The following PDE4D variants were observed in gnomAD, a reference collection of about 807,000 sequenced individuals.
The protein encoded by PDE4D is 3',5'-cyclic-AMP phosphodiesterase 4D.
A neutral mutation model predicts 87.4 loss-of-function variants in PDE4D; 24 were observed. That is an observed-to-expected ratio of 0.27 (90% CI 0.20 to 0.39). The LOEUF is 0.39. Ranked by LOEUF, PDE4D falls within the 10% of genes least tolerant of loss-of-function variation. The pLI is 1.00. For missense variants in PDE4D, 714 were observed against 1,041.0 expected (o/e 0.69, Z 4.32); for synonymous variants, 384 against 383.2 (o/e 1.00, Z -0.02).
intron 1 of PDE4D, among the ~76,000 whole-genome samples, chr5:59,817,702 A>G (rs1241060166): frequency 6.6e-6 from 1 of 151,814 alleles, no homozygotes; most frequent in African/African-American, 2.4e-5. Context: ...CTTTCTCCCT[A>G]CACAGGCATG....
chr5:59,928,857 CTATATATTCTATATACA>C (rs955490690), intron 3 of PDE4D, among the ~76,000 whole-genome samples: 6 of 149,578 alleles, frequency 4.0e-5, no homozygotes, highest in South Asian at 4.2e-4. Context: ...TTAGAAATTT[CTATATATTCTATATACA>C]TATATATTCT....
intron 1 of PDE4D, among the ~76,000 whole-genome samples, chr5:60,460,959 C>G (rs1159464925): frequency 6.6e-6 from 1 of 151,844 alleles, no homozygotes; most frequent in Non-Finnish European, 1.5e-5. Flanking sequence ...AAAGCCATAG[C>G]TGTTTGGACC....
chr5:59,302,284 C>A (rs755650524), intron 1 of PDE4D, among the ~76,000 whole-genome samples: 1 of 152,158 alleles, frequency 6.6e-6, no homozygotes, highest in Non-Finnish European at 1.5e-5. Context: ...AATGATCAAG[C>A]GGGGCACTCA....
At chr5:59,727,881 T>C (rs956682141) in intron 1 of PDE4D, among the ~76,000 whole-genome samples, 3 of 152,088 alleles carry the variant, frequency 2.0e-5, no homozygotes, top group Non-Finnish European at 4.4e-5. Context: ...GGAATTATTA[T>C]TATTGGAAGG....
intron 1 of PDE4D, among the ~76,000 whole-genome samples, chr5:59,237,264 C>A (rs1756641597): frequency 6.6e-6 from 1 of 152,158 alleles, no homozygotes; most frequent in Admixed American, 6.5e-5. Flanking sequence ...ACACATTTCT[C>A]CCCTTATCAA....
At chr5:59,174,570 T>A (rs1783528051) in intron 5 of PDE4D, 1 of 152,564 alleles carries the variant, frequency 6.6e-6, no homozygotes, top group Non-Finnish European at 1.5e-5. Context: ...GTAGATATAA[T>A]CAAAATAGCT....
chr5:59,802,084 A>G (rs1767193097), intron 1 of PDE4D, among the ~76,000 whole-genome samples: 1 of 152,164 alleles, frequency 6.6e-6, no homozygotes, highest in African/African-American at 2.4e-5. Flanking sequence ...ACTCATCAGG[A>G]AAAAAAGTAC....
chr5:60,224,395 G>A (rs1744851763), intron 1 of PDE4D, among the ~76,000 whole-genome samples: 1 of 152,058 alleles, frequency 6.6e-6, no homozygotes, highest in East Asian at 1.9e-4. Context: ...TTTTTATAAT[G>A]TTCATGCCCC....
At chr5:59,988,353 CT>C (rs1212852091) in intron 3 of PDE4D, 9,201 of 422,460 alleles carry the variant, frequency 0.022, no homozygotes, top group South Asian at 0.037. Context: ...GAAATTCATC[CT>C]TTTTTTTTTG....
chr5:59,030,012 A>G lies in PDE4D; in HGVS notation c.921+8847T>C, dbSNP rs554424283. The stretch of plus-strand genomic sequence containing the variant: ...AAGAAAGAAACTGTACTCTTATCTC[A>G]CACTCCATATAAAAATCAACTCAAA... On this transcript the variant is annotated intron_variant, in intron 6 of 14. Transcript: ENST00000340635. 3.3e-5 allele frequency among the ~76,000 whole-genome samples: 5 copies of G among 152,252 alleles called. No individual in the cohort carries two copies. The East Asian group carries it at 9.7e-4, about 29-fold the overall frequency.
chr5:59,981,453 G>A (rs887127410), intron 3 of PDE4D, among the ~76,000 whole-genome samples: 1 of 152,086 alleles, frequency 6.6e-6, no homozygotes, highest in African/African-American at 2.4e-5. Context: ...AATTTTGTCT[G>A]CTTAGTATGC....
chr5:60,320,255 C>G (rs1182870796), intron 1 of PDE4D, among the ~76,000 whole-genome samples: 1 of 152,356 alleles, frequency 6.6e-6, no homozygotes, highest in African/African-American at 2.4e-5. Flanking sequence ...ATGAGCAAGG[C>G]TCCGTGGGCA....
chr5:59,905,079 G>A (rs1752676049), intron 3 of PDE4D, among the ~76,000 whole-genome samples: 1 of 152,038 alleles, frequency 6.6e-6, no homozygotes. Flanking sequence ...GTATTTGGAG[G>A]AAGGAGAAGA....
chr5:59,261,526 G>C (rs1762007193), intron 1 of PDE4D, among the ~76,000 whole-genome samples: 2 of 151,732 alleles, frequency 1.3e-5, no homozygotes, highest in African/African-American at 2.4e-5. Context: ...AAAAATAAAG[G>C]TCTCCCGAAG....
At chr5:60,212,521 T>C (rs115503679) in intron 1 of PDE4D, among the ~76,000 whole-genome samples, 2,170 of 152,312 alleles carry the variant, frequency 0.014, 66 homozygotes, top group African/African-American at 0.049. Context: ...TTCTCTTCTT[T>C]TGGGATCAGA....
At chr5:59,481,628 C>A (rs1276945286) in intron 1 of PDE4D, among the ~76,000 whole-genome samples, 1 of 152,026 alleles carries the variant, frequency 6.6e-6, no homozygotes, top group Non-Finnish European at 1.5e-5. Context: ...CCGGAACCTG[C>A]CTGAGTCTCC....
intron 3 of PDE4D, among the ~76,000 whole-genome samples, chr5:59,983,448 A>C (rs1163719323): frequency 6.6e-6 from 1 of 152,166 alleles, no homozygotes; most frequent in Non-Finnish European, 1.5e-5. Flanking sequence ...TTTAGAACAA[A>C]ATATTCACTT....
intron 2 of PDE4D, among the ~76,000 whole-genome samples, chr5:60,024,737 C>A (rs1347475531): frequency 6.6e-6 from 1 of 151,850 alleles, no homozygotes; most frequent in East Asian, 1.9e-4. Context: ...ACAAAATGAG[C>A]CTTATTTAGC....
intron 2 of PDE4D, among the ~76,000 whole-genome samples, chr5:59,197,245 T>C (rs78307729): frequency 0.032 from 4,913 of 152,286 alleles, 212 homozygotes; most frequent in African/African-American, 0.1. Context: ...ATCTCCTTTA[T>C]AAGTATTATA....
Sources: allele counts gnomAD v4.1 joint callset (sites outside exome capture counted in the v4.1 genomes callset), GRCh38; gene constraint gnomAD v4.1.1; transcripts MANE v1.5; gene names NCBI Gene and HGNC (gene_info 2026-07-23, HGNC 2026-07-21).